Variants in FBXL18 observed in about 807,000 individuals in gnomAD.
FBXL18 encodes the protein F-box/LRR-repeat protein 18.
In FBXL18, 36 loss-of-function variants were observed where a neutral mutation model predicts 46.0. That is an observed-to-expected ratio of 0.78 (90% CI 0.60 to 1.03). The LOEUF (loss-of-function observed/expected upper bound fraction) is 1.03. Among genes scored for constraint, FBXL18 ranks in the 50% least tolerant of loss-of-function variants. FBXL18 has a pLI of 0.00. For missense variants in FBXL18, 977 were observed against 1,004.1 expected, an observed-to-expected ratio of 0.97 and a Z score of 0.36; for synonymous variants, 557 against 465.3, an observed-to-expected ratio of 1.20 and a Z score of -2.54.
At chr7:5,508,334 C>A (rs1784444429) in intron 1 of FBXL18, among the ~76,000 whole-genome samples, 1 of 151,322 alleles carries the variant, frequency 6.6e-6, no homozygotes, top group South Asian at 2.1e-4. Context: ...GTAATCCCAG[C>A]TACTCAGGAG....
At chr7:5,495,364 T>C (rs1351598695) in intron 3 of FBXL18, among the ~76,000 whole-genome samples, 2 of 152,154 alleles carry the variant, frequency 1.3e-5, no homozygotes, top group Admixed American at 6.6e-5. Context: ...GCCCAGACGC[T>C]GCCCTGGTCA....
chr7:5,467,066 A>T (rs1476814606), intron 4 of FBXL18, among the ~76,000 whole-genome samples: 1 of 152,018 alleles, frequency 6.6e-6, no homozygotes, highest in East Asian at 1.9e-4. Context: ...AAAATTTAAA[A>T]ATTGGCCGGG....
Position 5,476,565 on chromosome 7 carries a change from A to G in FBXL18, c.*5210T>C, listed in dbSNP as rs1783520095. On this transcript the variant is annotated 3_prime_UTR_variant, in exon 5 of 5. Transcript: ENST00000382368. ...ACTGCAACATCCAACTCCTGGGCTCAAGCAATCCTCCTGCCTCAGCCTCCT... is the reference window on the plus strand; with the variant it reads ...ACTGCAACATCCAACTCCTGGGCTCGAGCAATCCTCCTGCCTCAGCCTCCT... 1 of 152,336 alleles carries G rather than the reference A, an allele frequency of 6.6e-6. No individual in the cohort carries two copies. Among genetic ancestry groups the G allele is most frequent in the South Asian group, 2.1e-4 (1 of 4,824 alleles). The allele number at this position is 152,336 out of a possible 1,614,324, so 9.4% of individuals were successfully genotyped here. A position where few individuals can be genotyped will look rare whatever the true frequency, so the allele number is the denominator to read the frequency against.
intron 3 of FBXL18, among the ~76,000 whole-genome samples, chr7:5,494,983 G>A (rs555650808): frequency 6.9e-4 from 105 of 152,350 alleles, no homozygotes; most frequent in African/African-American, 2.4e-3. Flanking sequence ...TGACTGGTCA[G>A]GCAGCGGGCC....
chr7:5,512,015 C>G (rs967943351), intron 1 of FBXL18, among the ~76,000 whole-genome samples: 5 of 150,834 alleles, frequency 3.3e-5, no homozygotes, highest in Non-Finnish European at 5.9e-5. Flanking sequence ...GAGGGTGGAT[C>G]ACGAGGTCAG....
At chr7:5,489,164 G>A (rs1410553034) in intron 4 of FBXL18, 29 of 468,996 alleles carry the variant, frequency 6.2e-5, no homozygotes, top group Non-Finnish European at 1.1e-4. Flanking sequence ...GATGAGAGCC[G>A]TGAGGACAGC....
chr7:5,498,164 T>G (rs1045137512), intron 3 of FBXL18, among the ~76,000 whole-genome samples: 1 of 150,226 alleles, frequency 6.7e-6, no homozygotes, highest in Non-Finnish European at 1.5e-5. Flanking sequence ...CTCGGCTCAC[T>G]GCAAGATCCG....
intron 4 of FBXL18, among the ~76,000 whole-genome samples, chr7:5,468,044 A>G (rs368506505): frequency 1.1e-4 from 17 of 149,020 alleles, no homozygotes; most frequent in African/African-American, 1.7e-4. Flanking sequence ...GTGCAGTGGC[A>G]CGATCTCGGC....
chr7:5,469,029 TAGG>T (rs1783387656), intron 4 of FBXL18, among the ~76,000 whole-genome samples: 1 of 152,000 alleles, frequency 6.6e-6, no homozygotes, highest in Non-Finnish European at 1.5e-5. Context: ...TGATGAGACA[TAGG>T]AGACTGTGCG....
intron 1 of FBXL18, among the ~76,000 whole-genome samples, chr7:5,510,688 A>G (rs79109865): frequency 2.1e-4 from 31 of 144,662 alleles, no homozygotes; most frequent in African/African-American, 6.4e-4. Context: ...CCTGTCTCCA[A>G]AAAAAAAAAA....
At chr7:5,506,221 G>C (rs1043546283) in intron 1 of FBXL18, among the ~76,000 whole-genome samples, 1 of 152,046 alleles carries the variant, frequency 6.6e-6, no homozygotes, top group African/African-American at 2.4e-5. Context: ...TGGGATGGCA[G>C]GTGTGAGCCA....
At chr7:5,467,541 G>A (rs1179184323) in intron 4 of FBXL18, among the ~76,000 whole-genome samples, 2 of 149,554 alleles carry the variant, frequency 1.3e-5, no homozygotes, top group African/African-American at 2.5e-5. Flanking sequence ...GTGAGACTCC[G>A]TCTCCAAAAA....
At chr7:5,510,412 G>A (rs899757250) in intron 1 of FBXL18, among the ~76,000 whole-genome samples, 6 of 151,336 alleles carry the variant, frequency 4.0e-5, no homozygotes, top group East Asian at 3.9e-4. Context: ...AGCCAGGCAC[G>A]GTGGCTCACG....
At chr7:5,488,241 C>T (rs1440557517) in intron 4 of FBXL18, among the ~76,000 whole-genome samples, 1 of 152,340 alleles carries the variant, frequency 6.6e-6, no homozygotes, top group East Asian at 1.9e-4. Flanking sequence ...GGCATGGAGC[C>T]GGCCACAGGC....
chr7:5,498,149 G>C (rs1306137180), intron 3 of FBXL18, among the ~76,000 whole-genome samples: 1 of 148,858 alleles, frequency 6.7e-6, no homozygotes, highest in Non-Finnish European at 1.5e-5. Context: ...GGCCAGTGGC[G>C]CGATCTCGGC....
Position 5,500,634 on chromosome 7 carries a change from A to G in FBXL18, c.1635T>C (p.Leu545=). The part of the protein sequence containing the change: ...HLTLAQLPSV[L]TGSGLVNIGL... ...CGATATTGACCAGCCCGGAGCCCGT[A>G]AGGACGCTGGGCAGCTGTGCGAGCG... Residue 545 remains leucine, a synonymous_variant, in exon 3 of 5, where the codon CTT becomes CTC. Coordinates refer to ENST00000382368, the MANE Select transcript of FBXL18 (RefSeq NM_024963.6). The G allele has an allele frequency of 6.2e-7, 1 of 1,612,974 alleles. No homozygotes were observed. The highest frequency in any genetic ancestry group is 8.5e-7 in the Non-Finnish European group (1 of 1,179,782).
downstream of FBXL18, among the ~76,000 whole-genome samples, chr7:5,472,324 G>T (rs1388082995): frequency 3.3e-5 from 5 of 152,162 alleles, no homozygotes; most frequent in Admixed American, 1.3e-4. Flanking sequence ...CCTGGCAAGT[G>T]GGGGGTCTGT....
At chr7:5,459,292 C>T (rs944912020) in intron 4 of FBXL18, among the ~76,000 whole-genome samples, 2 of 152,136 alleles carry the variant, frequency 1.3e-5, no homozygotes, top group South Asian at 2.1e-4. Context: ...AGCCCCAGTA[C>T]AGTAAGTAAT....
chr7:5,490,348 A>C, intron 4 of FBXL18: 3 of 995,316 alleles, frequency 3.0e-6, no homozygotes, highest in Non-Finnish European at 3.7e-6. Flanking sequence ...CACTCCCCAC[A>C]TCGCCTACCA....
Sources: allele counts gnomAD v4.1 joint callset (sites outside exome capture counted in the v4.1 genomes callset), GRCh38; gene constraint gnomAD v4.1.1; transcripts MANE v1.5; gene names NCBI Gene and HGNC (gene_info 2026-07-23, HGNC 2026-07-21).